LRRC7: variants seen among roughly 807,000 people sequenced by gnomAD.
The protein encoded by LRRC7 is leucine rich repeat containing 7.
LRRC7 carries 23 observed loss-of-function variants against 175.7 expected under a neutral mutation model. The observed-to-expected ratio is 0.13, with a 90% CI of 0.09 to 0.19. LRRC7 has a LOEUF of 0.19. Ranked by LOEUF, LRRC7 falls within the 10% of genes least tolerant of loss-of-function variation. The pLI, the probability that LRRC7 is intolerant of heterozygous loss-of-function variation, is 1.00. For synonymous variants in LRRC7, 685 were observed against 680.9 expected (o/e 1.01, Z -0.09); for missense variants, 1,354 against 1,904.7 (o/e 0.71, Z 5.38).
intron 24 of LRRC7, among the ~76,000 whole-genome samples, chr1:70,088,899 C>T (rs1663809699): frequency 6.6e-6 from 1 of 152,100 alleles, no homozygotes; most frequent in Admixed American, 6.6e-5. Context: ...GCCATCATTC[C>T]CCCATACTAC....
At chr1:69,771,719 A>T (rs548579971) in intron 3 of LRRC7, among the ~76,000 whole-genome samples, 1 of 152,334 alleles carries the variant, frequency 6.6e-6, no homozygotes, top group African/African-American at 2.4e-5. Context: ...ATTGAGGAAG[A>T]TCAACAAATT....
intron 7 of LRRC7, among the ~76,000 whole-genome samples, chr1:69,870,714 T>C (rs1169130539): frequency 6.6e-6 from 1 of 152,260 alleles, no homozygotes; most frequent in East Asian, 1.9e-4. Flanking sequence ...AGTTAGCTCT[T>C]AAAATTATTT....
At chr1:69,614,370 C>T (rs900063266) in intron 1 of LRRC7, among the ~76,000 whole-genome samples, 2 of 151,978 alleles carry the variant, frequency 1.3e-5, no homozygotes, top group African/African-American at 2.4e-5. Flanking sequence ...AATGCAGTCC[C>T]ATTTATTTCA....
At chr1:69,973,441 A>C (rs182653263) in intron 8 of LRRC7, among the ~76,000 whole-genome samples, 40 of 152,284 alleles carry the variant, frequency 2.6e-4, no homozygotes, top group Admixed American at 2.3e-3. Context: ...GGAAATAAAA[A>C]ATTTTAATAA....
chr1:69,884,808 G>T (rs1432185374), intron 7 of LRRC7, among the ~76,000 whole-genome samples: 1 of 145,624 alleles, frequency 6.9e-6, no homozygotes, highest in Non-Finnish European at 1.5e-5. Flanking sequence ...CTAATTTATT[G>T]AGAATTTTTA....
At chr1:69,616,357 G>T (rs1454886744) in intron 1 of LRRC7, among the ~76,000 whole-genome samples, 1 of 151,744 alleles carries the variant, frequency 6.6e-6, no homozygotes, top group Non-Finnish European at 1.5e-5. Context: ...AATTAAAATG[G>T]CTAGTACTAT....
At position 70,039,552 on chromosome 1, in the gene LRRC7, A is replaced by G. The variant is rs1558016545; in HGVS notation, c.3728A>G (p.Tyr1243Cys). ...TQRRPLSARSYSTESYGASQT... is the reference protein window; with the variant it reads ...TQRRPLSARSCSTESYGASQT... The stretch of plus-strand genomic sequence containing the variant: ...AGGAGGCCATTGTCTGCGAGAAGCT[A>G]CAGTACAGAGAGTTACGGTGCCTCC... Residue 1243 changes from tyrosine to cysteine, a missense_variant, in exon 21 of 27, where the codon TAC (tyrosine) becomes TGC (cysteine). Physicochemically the swap from Tyr to Cys is radical, Grantham distance 194 (BLOSUM62 -2). Transcript: ENST00000651989. 1 of 1,614,160 alleles carries G rather than the reference A, an allele frequency of 6.2e-7. No homozygotes were observed. Among genetic ancestry groups the G allele is most frequent in the Non-Finnish European group, 8.5e-7 (1 of 1,180,018 alleles).
intron 1 of LRRC7, among the ~76,000 whole-genome samples, chr1:69,581,375 A>T (rs1262535161): frequency 2.6e-5 from 4 of 152,166 alleles, no homozygotes; most frequent in African/African-American, 9.7e-5. Context: ...AGATAGATGA[A>T]AGTGAAATAA....
chr1:69,798,490 T>TA (rs1676068747), intron 4 of LRRC7, among the ~76,000 whole-genome samples: 1 of 152,152 alleles, frequency 6.6e-6, no homozygotes, highest in Admixed American at 6.6e-5. Context: ...AATATTGTAT[T>TA]AAAAATGCTT....
intron 4 of LRRC7, among the ~76,000 whole-genome samples, chr1:69,804,582 G>T (rs1443217764): frequency 6.6e-6 from 1 of 151,538 alleles, no homozygotes; most frequent in Admixed American, 6.6e-5. Context: ...TGGTTAGCTA[G>T]CCAGCTATCT....
At chr1:70,092,975 T>C (rs947054962) in intron 25 of LRRC7, among the ~76,000 whole-genome samples, 2 of 152,154 alleles carry the variant, frequency 1.3e-5, no homozygotes, top group African/African-American at 4.8e-5. Context: ...GCCCTGCAGT[T>C]GATATTGTCA....
chr1:69,705,571 A>G (rs1379901025), intron 2 of LRRC7, among the ~76,000 whole-genome samples: 1 of 152,154 alleles, frequency 6.6e-6, no homozygotes, highest in African/African-American at 2.4e-5. Flanking sequence ...TTAGAGTTTC[A>G]TTAGAAAGAG....
intron 2 of LRRC7, among the ~76,000 whole-genome samples, chr1:69,717,290 T>C (rs979886354): frequency 3.3e-5 from 5 of 151,748 alleles, no homozygotes; most frequent in Admixed American, 6.6e-5. Flanking sequence ...TGTGTTTCAA[T>C]TGCTTAGCAG....
At chr1:69,822,831 A>G (rs568641447) in intron 4 of LRRC7, among the ~76,000 whole-genome samples, 1 of 152,218 alleles carries the variant, frequency 6.6e-6, no homozygotes, top group South Asian at 2.1e-4. Flanking sequence ...GGACTCCCAA[A>G]CTCCCACAAA....
intron 7 of LRRC7, among the ~76,000 whole-genome samples, chr1:69,928,191 G>T (rs566628486): frequency 1.4e-3 from 209 of 152,212 alleles, no homozygotes; most frequent in Non-Finnish European, 2.4e-3. Flanking sequence ...GTACCCGGCC[G>T]TGTGAGGTGT....
chr1:69,659,881 G>A (rs917615581), intron 1 of LRRC7, among the ~76,000 whole-genome samples: 3 of 151,742 alleles, frequency 2.0e-5, no homozygotes, highest in Non-Finnish European at 2.9e-5. Flanking sequence ...CAAGAAAAAA[G>A]GGTCCCAATT....
chr1:70,018,493 A>T (rs370041825), intron 14 of LRRC7, among the ~76,000 whole-genome samples: 1 of 152,064 alleles, frequency 6.6e-6, no homozygotes, highest in African/African-American at 2.4e-5. Context: ...ATAGGTTTTG[A>T]TAAGTTTTGT....
intron 2 of LRRC7, among the ~76,000 whole-genome samples, chr1:69,687,153 T>C (rs1451180390): frequency 6.6e-6 from 1 of 152,168 alleles, no homozygotes; most frequent in East Asian, 1.9e-4. Context: ...CCCAACTTAG[T>C]TGTCAATAGC....
intron 3 of LRRC7, among the ~76,000 whole-genome samples, chr1:69,784,722 C>G (rs926234120): frequency 6.6e-6 from 1 of 152,134 alleles, no homozygotes; most frequent in Non-Finnish European, 1.5e-5. Context: ...CATTTACTAC[C>G]TATTATTCTG....
Sources: allele counts gnomAD v4.1 joint callset (sites outside exome capture counted in the v4.1 genomes callset), GRCh38; gene constraint gnomAD v4.1.1; transcripts MANE v1.5; gene names NCBI Gene and HGNC (gene_info 2026-07-23, HGNC 2026-07-21).